The following DMD variants were observed in gnomAD, a reference collection of about 807,000 sequenced individuals.
The protein encoded by DMD is dystrophin.
A neutral mutation model predicts 330.1 loss-of-function variants in DMD; 63 were observed. That is an observed-to-expected ratio of 0.19 (90% CI 0.16 to 0.24). The LOEUF is 0.24. Among genes scored for constraint, DMD ranks in the 10% least tolerant of loss-of-function variants. The probability of loss-of-function intolerance (pLI) is 1.00; values close to 1 mark genes in which losing one functional copy is unlikely to be tolerated. For synonymous variants in DMD, 1,223 were observed against 959.8 expected (o/e 1.27, Z -5.07); for missense variants, 3,344 against 2,684.1 (o/e 1.25, Z -5.43).
chrX:33,282,623 C>T (rs2053353690), intron 1 of DMD, among the ~76,000 whole-genome samples: 1 of 111,941 alleles, frequency 8.9e-6, no homozygotes, highest in African/African-American at 3.2e-5. Context: ...ACAATACTGC[C>T]ACTTGTCTAT....
intron 29 of DMD, among the ~76,000 whole-genome samples, chrX:32,429,387 G>GTTTTTTGTTTT (rs2098227537): frequency 2.3e-5 from 1 of 44,197 alleles, no homozygotes; most frequent in African/African-American, 1.1e-4. Flanking sequence ...TTTTTTTTGG[G>GTTTTTTGTTTT]TTTTTTTTTT....
chrX:31,178,168 G>A (rs1375294729), intron 70 of DMD, 198 bp from the exon 71 acceptor site: 45 of 751,663 alleles, frequency 6.0e-5, no homozygotes, highest in Non-Finnish European at 7.1e-5. Flanking sequence ...GCAAAAAAGA[G>A]GAGCAGGTTG....
chrX:31,175,615 A>G (rs983289231), intron 71 of DMD, among the ~76,000 whole-genome samples: 3 of 110,967 alleles, frequency 2.7e-5, no homozygotes, highest in African/African-American at 9.8e-5. Flanking sequence ...TTAGTCCACA[A>G]ACAAAACTAA....
intron 15 of DMD, among the ~76,000 whole-genome samples, chrX:32,570,114 G>A (rs1221137613): frequency 9.0e-6 from 1 of 111,293 alleles, no homozygotes; most frequent in Non-Finnish European, 1.9e-5. Flanking sequence ...ATGGCAAGCA[G>A]GACACAATCC....
chrX:31,963,608 G>C (rs1012699247), intron 45 of DMD, among the ~76,000 whole-genome samples: 2 of 110,491 alleles, frequency 1.8e-5, no homozygotes, highest in African/African-American at 6.6e-5. Flanking sequence ...ACCTCTAAAA[G>C]TAACCAGAGT....
At chrX:32,150,669 C>T (rs943326572) in intron 44 of DMD, among the ~76,000 whole-genome samples, 1 of 111,417 alleles carries the variant, frequency 9.0e-6, no homozygotes, top group East Asian at 2.8e-4. Flanking sequence ...TTATTGATAA[C>T]AGTATTAAGG....
intron 29 of DMD, among the ~76,000 whole-genome samples, chrX:32,429,394 T>TTTTTG (rs1420026193): frequency 1.3e-5 from 1 of 77,572 alleles, no homozygotes; most frequent in Non-Finnish European, 2.4e-5. Flanking sequence ...TGGGTTTTTT[T>TTTTTG]TTTTTTTTTT....
intron 55 of DMD, among the ~76,000 whole-genome samples, chrX:31,594,738 G>C (rs2077035072): frequency 9.0e-6 from 1 of 110,582 alleles, no homozygotes; most frequent in Non-Finnish European, 1.9e-5. Context: ...ACAAAATTGG[G>C]TGTGGAGTAG....
intron 63 of DMD, 53 bp from the exon 64 acceptor site, chrX:31,223,174 A>G (rs1193433144): frequency 5.6e-6 from 6 of 1,072,292 alleles, no homozygotes; most frequent in Non-Finnish European, 7.8e-6. Flanking sequence ...AATAACAGAC[A>G]ACCCACCCCC....
chrX:32,043,298 A>G (rs964178858), intron 44 of DMD, among the ~76,000 whole-genome samples: 10 of 112,391 alleles, frequency 8.9e-5, no homozygotes, highest in Non-Finnish European at 1.9e-4. Flanking sequence ...TTTGCAAGAG[A>G]TAGACATAAC....
At chrX:33,199,694 C>T (rs1400743645) in intron 1 of DMD, among the ~76,000 whole-genome samples, 1 of 111,164 alleles carries the variant, frequency 9.0e-6, no homozygotes, top group Non-Finnish European at 1.9e-5. Flanking sequence ...GAGAATTATG[C>T]TAGGACTAGA....
At chrX:31,961,371 T>C (rs748715389) in intron 45 of DMD, among the ~76,000 whole-genome samples, 4 of 111,938 alleles carry the variant, frequency 3.6e-5, no homozygotes, top group African/African-American at 1.3e-4. Context: ...TTCAGTTTAA[T>C]CTGAATGTGA....
intron 7 of DMD, among the ~76,000 whole-genome samples, chrX:32,741,921 G>C (rs773035330): frequency 8.9e-6 from 1 of 111,891 alleles, no homozygotes; most frequent in East Asian, 2.8e-4. Flanking sequence ...GTTACTATTA[G>C]ATTGGTGCAA....
intron 60 of DMD, among the ~76,000 whole-genome samples, chrX:31,379,282 G>T (rs965303639): frequency 9.0e-6 from 1 of 110,971 alleles, no homozygotes; most frequent in Non-Finnish European, 1.9e-5. Context: ...TTCCTTCCAT[G>T]ACTAGCCCTC....
At chrX:32,626,324 G>GACAAAGTGGGAACTCAGGTAGTTT (rs2058343376) in intron 11 of DMD, among the ~76,000 whole-genome samples, 1 of 95,432 alleles carries the variant, frequency 1.0e-5, no homozygotes, top group African/African-American at 6.2e-5. Flanking sequence ...AAAATTAGCT[G>GACAAAGTGGGAACTCAGGTAGTTT]GGCGTGGTGG....
chrX:32,573,583 T>C lies in DMD; in HGVS notation c.1759A>G (p.Thr587Ala), dbSNP rs1344492096. The change falls in exon 15 of 79, where the codon ACA becomes GCA. Residue 587 changes from threonine to alanine, a missense_variant. Transcript: ENST00000357033. The part of the protein sequence containing the change: ...EKEDAVNKIH[T>A]TGFKDQNEML... Reference sequence around the variant, plus strand: ...TCATTTTGATCTTTAAAGCCAGTTGTGTGAATCTTGTTCACTGCATCTTCT... The same window carrying C: ...TCATTTTGATCTTTAAAGCCAGTTGCGTGAATCTTGTTCACTGCATCTTCT... The C allele has an allele frequency of 8.3e-7, 1 of 1,210,594 alleles. No homozygotes were observed. The highest frequency in any genetic ancestry group is 1.7e-5 in the African/African-American group (1 of 57,369).
At position 31,951,143 on chromosome X, in the gene DMD, G is replaced by GTA. The variant is rs796324072; in HGVS notation, c.6614+17194_6614+17195dup. On this transcript the variant is annotated intron_variant, in intron 45 of 78. Transcript: ENST00000357033. The stretch of plus-strand genomic sequence containing the variant: ...TATACATATATATATATATATATGT[G>GTA]TATATATATATATATGTATATATAT... 1.6e-3 allele frequency among the ~76,000 whole-genome samples: 120 copies of GTA among 74,319 alleles called. 2 individuals carry two copies. Among genetic ancestry groups the GTA allele is most frequent in the Middle Eastern group, 6.9e-3 (1 of 145 alleles). The allele number at this position is 74,319 out of a possible 115,157, so 64.5% of individuals were successfully genotyped here. A position where few individuals can be genotyped will look rare whatever the true frequency, so the allele number is the denominator to read the frequency against.
chrX:31,225,601 A>G (rs1017460077), intron 63 of DMD, among the ~76,000 whole-genome samples: 3 of 112,083 alleles, frequency 2.7e-5, no homozygotes, highest in African/African-American at 9.7e-5. Flanking sequence ...TCCTGCTGCT[A>G]GAACAATGGT....
At chrX:32,510,993 CAT>C (rs2045242254) in intron 18 of DMD, among the ~76,000 whole-genome samples, 1 of 109,645 alleles carries the variant, frequency 9.1e-6, no homozygotes, top group Admixed American at 9.7e-5. Flanking sequence ...TGTGTATGTA[CAT>C]ATATGTACAT....
Sources: allele counts gnomAD v4.1 joint callset (sites outside exome capture counted in the v4.1 genomes callset), GRCh38; gene constraint gnomAD v4.1.1; transcripts MANE v1.5; gene names NCBI Gene and HGNC (gene_info 2026-07-23, HGNC 2026-07-21).